The following FAM81B variants were observed in gnomAD, a reference collection of about 807,000 sequenced individuals.
The protein encoded by FAM81B is protein FAM81B.
Under a neutral mutation model 58.7 loss-of-function variants are expected in FAM81B, and 60 were observed. The ratio of observed to expected loss-of-function variants is 1.02; its 90% confidence interval spans 0.83 to 1.27. FAM81B has a LOEUF of 1.27. Among genes scored for constraint, FAM81B ranks in the 50% most tolerant of loss-of-function variants. FAM81B has a pLI of 0.00. For missense variants in FAM81B, 491 were observed against 522.0 expected, an observed-to-expected ratio of 0.94 and a Z score of 0.58; for synonymous variants, 189 against 179.6, an observed-to-expected ratio of 1.05 and a Z score of -0.42.
intron 3 of FAM81B, chr5:95,396,541 A>G (rs1761970406): frequency 6.2e-6 from 1 of 161,266 alleles, no homozygotes. Context: ...CATGATAAAA[A>G]CTCAGGAAAT....
At chr5:95,422,193 T>C (rs1440857795) in intron 5 of FAM81B, among the ~76,000 whole-genome samples, 1 of 151,874 alleles carries the variant, frequency 6.6e-6, no homozygotes, top group African/African-American at 2.4e-5. Context: ...CTGTTAAAAA[T>C]AAAAGATGCC....
At chr5:95,403,328 T>C (rs1762162305) in intron 3 of FAM81B, among the ~76,000 whole-genome samples, 1 of 152,220 alleles carries the variant, frequency 6.6e-6, no homozygotes, top group Admixed American at 6.5e-5. Context: ...AACAGAGCCA[T>C]TATATGTAAA....
intron 7 of FAM81B, chr5:95,440,770 G>A (rs1031200859): frequency 3.1e-6 from 1 of 318,940 alleles, no homozygotes; most frequent in Non-Finnish European, 5.9e-6. Context: ...AAAATCAAAC[G>A]TCACATTTTG....
intron 7 of FAM81B, among the ~76,000 whole-genome samples, chr5:95,438,210 T>C (rs1415333766): frequency 1.3e-5 from 2 of 152,206 alleles, no homozygotes; most frequent in East Asian, 3.8e-4. Context: ...TTCTTCATAG[T>C]CTAAGAAAGC....
intron 3 of FAM81B, among the ~76,000 whole-genome samples, chr5:95,399,575 G>A (rs1306467310): frequency 6.6e-6 from 1 of 151,780 alleles, no homozygotes; most frequent in Admixed American, 6.6e-5. Context: ...CAATTAGTAA[G>A]GGAAGGGGCT....
chr5:95,439,236 G>GTGTA (rs1554046246), intron 7 of FAM81B, among the ~76,000 whole-genome samples: 3 of 105,194 alleles, frequency 2.9e-5, no homozygotes, highest in South Asian at 3.8e-4. Context: ...AGGTTAAAGA[G>GTGTA]TATATATATA....
At chr5:95,435,739 TTTTGC>T (rs1482178006) in intron 6 of FAM81B, among the ~76,000 whole-genome samples, 9 of 152,316 alleles carry the variant, frequency 5.9e-5, no homozygotes, top group African/African-American at 2.2e-4. Flanking sequence ...TTTAAATGTG[TTTTGC>T]TTTAAGTAAT....
chr5:95,428,499 A>C, intron 5 of FAM81B, 104 bp from the exon 6 acceptor site: 1 of 1,394,814 alleles, frequency 7.2e-7, no homozygotes, highest in Non-Finnish European at 9.8e-7. Context: ...CATTCTTCAA[A>C]TGACTTTAGA....
At position 95,414,199 on chromosome 5, in the gene FAM81B, C is replaced by CT. The variant is rs11418250; in HGVS notation, c.537+14dup. 0.28 allele frequency: 445,497 copies of CT among 1,594,708 alleles called. 64,965 individuals carry two copies. The highest frequency in any genetic ancestry group is 0.31 in the Middle Eastern group (1,867 of 5,940). On this transcript the variant is annotated intron_variant, in intron 4 of 9. Transcript: ENST00000283357. Reference sequence around the variant, plus strand: ...TCAGCCAAAATATTGAGGTAGTTCTCTTTTTGTTTTATTTTGTTTTTGTTT... The same window carrying CT: ...TCAGCCAAAATATTGAGGTAGTTCTCTTTTTTGTTTTATTTTGTTTTTGTTT...
chr5:95,435,332 T>C (rs1467079208), intron 6 of FAM81B, among the ~76,000 whole-genome samples: 1 of 152,178 alleles, frequency 6.6e-6, no homozygotes, highest in African/African-American at 2.4e-5. Flanking sequence ...TATGCTTCCT[T>C]ATTAACTTCT....
At chr5:95,413,825 C>T (rs1334022140) in intron 3 of FAM81B, 122 bp from the exon 4 acceptor site, 2 of 1,461,120 alleles carry the variant, frequency 1.4e-6, no homozygotes, top group Non-Finnish European at 9.0e-7. Context: ...TGCTTAAAAT[C>T]CTATCAAACT....
intron 1 of FAM81B, 38 bp downstream of exon 1, chr5:95,391,551 A>G (rs746073366): frequency 1.3e-6 from 2 of 1,569,712 alleles, no homozygotes; most frequent in African/African-American, 2.7e-5. Context: ...AATTTCTCCT[A>G]CTTCACTATC....
At chr5:95,392,688 C>T in intron 1 of FAM81B, 106 bp from the exon 2 acceptor site, 1 of 846,214 alleles carries the variant, frequency 1.2e-6, no homozygotes. Flanking sequence ...TCCCTTTAAG[C>T]CAAGCTATAT....
At chr5:95,396,271 C>A in intron 3 of FAM81B, 96 bp downstream of exon 3, 2 of 927,284 alleles carry the variant, frequency 2.2e-6, no homozygotes, top group Non-Finnish European at 3.2e-6. Flanking sequence ...TTTAATTATT[C>A]AGTCAGAGAT....
At chr5:95,408,260 A>G (rs1762317219) in intron 3 of FAM81B, among the ~76,000 whole-genome samples, 1 of 152,224 alleles carries the variant, frequency 6.6e-6, no homozygotes, top group African/African-American at 2.4e-5. Context: ...TATTAAGGCC[A>G]AGAGAGGGTA....
intron 6 of FAM81B, among the ~76,000 whole-genome samples, chr5:95,429,517 C>T (rs555573029): frequency 5.3e-5 from 8 of 152,266 alleles, no homozygotes; most frequent in East Asian, 3.9e-4. Context: ...TGTTGGTAGG[C>T]GCCAGTTAAT....
intron 3 of FAM81B, among the ~76,000 whole-genome samples, chr5:95,407,266 A>T (rs1312374367): frequency 1.7e-4 from 2 of 12,056 alleles, no homozygotes; most frequent in African/African-American, 2.9e-4. Context: ...TCTTTTACAC[A>T]CACACACACA....
At chr5:95,405,406 T>C (rs1466477687) in intron 3 of FAM81B, among the ~76,000 whole-genome samples, 2 of 152,240 alleles carry the variant, frequency 1.3e-5, no homozygotes, top group Non-Finnish European at 2.9e-5. Context: ...TTTTCTGTTA[T>C]ATTTATCCTA....
intron 6 of FAM81B, among the ~76,000 whole-genome samples, chr5:95,436,289 T>C (rs1274830819): frequency 6.6e-6 from 1 of 152,232 alleles, no homozygotes; most frequent in East Asian, 1.9e-4. Context: ...GTCAGAATAC[T>C]ATCTGGAAAT....
Sources: allele counts gnomAD v4.1 joint callset (sites outside exome capture counted in the v4.1 genomes callset), GRCh38; gene constraint gnomAD v4.1.1; transcripts MANE v1.5; gene names NCBI Gene and HGNC (gene_info 2026-07-23, HGNC 2026-07-21).